Variants in RAD51B observed in about 807,000 individuals in gnomAD.
The protein encoded by RAD51B is RAD51 paralog B, also known as DNA repair protein RAD51 homolog 2.
In RAD51B, 38 loss-of-function variants were observed where a neutral mutation model predicts 42.2. The ratio of observed to expected loss-of-function variants is 0.90; its 90% confidence interval spans 0.70 to 1.18. RAD51B has a LOEUF of 1.18. RAD51B is among the 50% of genes most tolerant of loss of function. RAD51B has a pLI of 0.00. For synonymous variants in RAD51B, 154 were observed against 145.2 expected (o/e 1.06, Z -0.43); for missense variants, 373 against 400.7 (o/e 0.93, Z 0.59).
intron 9 of RAD51B, among the ~76,000 whole-genome samples, chr14:68,432,023 A>G (rs1319560733): frequency 6.6e-6 from 1 of 152,230 alleles, no homozygotes; most frequent in Non-Finnish European, 1.5e-5. Flanking sequence ...GTAGTCATTC[A>G]GCAGCAGGTT....
chr14:68,341,523 A>G (rs1346453481), intron 8 of RAD51B, among the ~76,000 whole-genome samples: 1 of 152,238 alleles, frequency 6.6e-6, no homozygotes, highest in Non-Finnish European at 1.5e-5. Flanking sequence ...TTTATTGGCT[A>G]ATGTAATTGC....
At chr14:68,417,290 A>T (rs912341836) in intron 9 of RAD51B, among the ~76,000 whole-genome samples, 3 of 152,196 alleles carry the variant, frequency 2.0e-5, no homozygotes, top group African/African-American at 7.2e-5. Flanking sequence ...GTGTGACTAG[A>T]TCCCGCCAGA....
intron 7 of RAD51B, among the ~76,000 whole-genome samples, chr14:67,889,325 TAA>T (rs10639894): frequency 2.1e-5 from 3 of 139,868 alleles, no homozygotes; most frequent in Non-Finnish European, 1.6e-5. Flanking sequence ...GAGATTTAAT[TAA>T]AAAAAAAAAA....
chr14:68,584,938 G>A (rs1035331587), intron 10 of RAD51B, among the ~76,000 whole-genome samples: 4 of 152,250 alleles, frequency 2.6e-5, no homozygotes, highest in Admixed American at 2.6e-4. Context: ...AGCCCTCAGG[G>A]TTTGGCAGAG....
Position 68,498,073 on chromosome 14 carries a change from T to C in RAD51B, c.1036+29823T>C, listed in dbSNP as rs1354575012. 3.3e-5 allele frequency among the ~76,000 whole-genome samples: 5 copies of C among 152,272 alleles called. No individual in the cohort carries two copies. In the East Asian group the frequency reaches 9.6e-4, roughly 29 times the overall value. ...ATATGGTGATTCTATGTTTAACTTT[T>C]TGAAGAACTGCAATACTATTCTCCA... On this transcript the variant is annotated intron_variant, in intron 10 of 10. Coordinates refer to the RAD51B transcript ENST00000487270.
intron 7 of RAD51B, among the ~76,000 whole-genome samples, chr14:67,927,523 G>T (rs962996952): frequency 6.6e-6 from 1 of 152,040 alleles, no homozygotes; most frequent in African/African-American, 2.4e-5. Flanking sequence ...GTTATCTGTT[G>T]ATCTATTCTC....
At chr14:68,367,946 A>G (rs1020465317) in intron 8 of RAD51B, among the ~76,000 whole-genome samples, 1 of 152,258 alleles carries the variant, frequency 6.6e-6, no homozygotes, top group African/African-American at 2.4e-5. Flanking sequence ...TGACAATCAC[A>G]TAGAAAAGAG....
intron 7 of RAD51B, among the ~76,000 whole-genome samples, chr14:67,954,608 C>A (rs753316794): frequency 3.3e-5 from 5 of 152,070 alleles, no homozygotes; most frequent in Non-Finnish European, 5.9e-5. Flanking sequence ...TGTGGGTGAA[C>A]TAATCCAAGA....
intron 8 of RAD51B, among the ~76,000 whole-genome samples, chr14:68,369,203 T>C (rs1469715379): frequency 6.6e-6 from 1 of 152,238 alleles, no homozygotes; most frequent in Non-Finnish European, 1.5e-5. Context: ...GTATTTGATG[T>C]TTCATTTAAA....
chr14:68,572,305 G>A (rs1889747624), intron 10 of RAD51B, among the ~76,000 whole-genome samples: 1 of 152,250 alleles, frequency 6.6e-6, no homozygotes, highest in Admixed American at 6.5e-5. Context: ...CTAACCCTGT[G>A]GCATGGGCCC....
chr14:67,865,587 G>T (rs1293204159), intron 5 of RAD51B, among the ~76,000 whole-genome samples: 4 of 121,492 alleles, frequency 3.3e-5, no homozygotes, highest in Admixed American at 1.0e-4. Context: ...CGCCCAGGTT[G>T]GAGTTCAGTG....
intron 7 of RAD51B, among the ~76,000 whole-genome samples, chr14:68,044,288 C>A (rs563654812): frequency 2.6e-5 from 4 of 152,178 alleles, no homozygotes; most frequent in Non-Finnish European, 5.9e-5. Context: ...GTTCTGAATT[C>A]TATAAATCAG....
intron 7 of RAD51B, chr14:68,114,287 A>G (rs2077505646): frequency 6.6e-6 from 1 of 152,082 alleles, no homozygotes; most frequent in Admixed American, 6.6e-5. Context: ...TTTGTTTTAT[A>G]TTTGAATATA....
chr14:68,583,429 G>A (rs1243083704), intron 10 of RAD51B, among the ~76,000 whole-genome samples: 1 of 152,194 alleles, frequency 6.6e-6, no homozygotes, highest in Non-Finnish European at 1.5e-5. Context: ...GCTTTCATAT[G>A]TCCAAATATT....
intron 7 of RAD51B, among the ~76,000 whole-genome samples, chr14:68,048,912 T>C (rs1344170982): frequency 6.6e-6 from 1 of 152,176 alleles, no homozygotes; most frequent in African/African-American, 2.4e-5. Context: ...TGCACAGATA[T>C]GTTTATTGCG....
intron 7 of RAD51B, among the ~76,000 whole-genome samples, chr14:67,933,612 A>G (rs776589663): frequency 6.6e-6 from 1 of 152,124 alleles, no homozygotes; most frequent in African/African-American, 2.4e-5. Context: ...ACCCTTCCCT[A>G]TGATAATGAG....
chr14:68,202,173 A>G (rs1360656983), intron 7 of RAD51B, among the ~76,000 whole-genome samples: 3 of 152,198 alleles, frequency 2.0e-5, no homozygotes, highest in Non-Finnish European at 4.4e-5. Flanking sequence ...AAATGCTAAT[A>G]ATCATCTGAG....
chr14:68,372,368 G>T (rs1267795583), intron 8 of RAD51B, among the ~76,000 whole-genome samples: 1 of 152,014 alleles, frequency 6.6e-6, no homozygotes, highest in Non-Finnish European at 1.5e-5. Context: ...TTTTTTTAAG[G>T]TGGGTGTTTT....
At position 68,172,413 on chromosome 14, in the gene RAD51B, A is replaced by G. The variant is rs142148617; in HGVS notation, c.757-119471A>G. ...AGCCAGGGCCCAATTCATAATTTCT[A>G]TTTTCTAATTTGGAGAATAAGAAGG... is the stretch of plus-strand genomic sequence containing the variant. On this transcript the variant is annotated intron_variant, in intron 7 of 10. Transcript: ENST00000471583. Among the ~76,000 whole-genome samples, 15 of 152,280 alleles carry G rather than the reference A, an allele frequency of 9.9e-5. No individual in the cohort carries two copies. The South Asian group carries it at 1.2e-3, about 13-fold the overall frequency.
Sources: allele counts gnomAD v4.1 joint callset (sites outside exome capture counted in the v4.1 genomes callset), GRCh38; gene constraint gnomAD v4.1.1; transcripts MANE v1.5; gene names NCBI Gene and HGNC (gene_info 2026-07-23, HGNC 2026-07-21).